The following CSMD1 variants were observed in gnomAD, a reference collection of about 807,000 sequenced individuals.
CSMD1 encodes CUB and Sushi multiple domains 1.
A neutral mutation model predicts 417.5 loss-of-function variants in CSMD1; 213 were observed. The observed-to-expected ratio is 0.51, with a 90% confidence interval of 0.46 to 0.57. The LOEUF is 0.57. CSMD1 is among the 20% of genes least tolerant of loss of function. The pLI is 0.00. For missense variants in CSMD1, 6,923 were observed against 4,529.7 expected (o/e 1.53, Z -15.17); for synonymous variants, 2,862 against 1,736.8 (o/e 1.65, Z -16.11).
chr8:4,938,511 C>A (rs905469316), intron 1 of CSMD1, among the ~76,000 whole-genome samples: 4 of 152,182 alleles, frequency 2.6e-5, no homozygotes, highest in African/African-American at 9.7e-5. Context: ...GTATAGACAC[C>A]TGGTGACTAC....
chr8:2,982,662 G>C (rs554712557), intron 54 of CSMD1, among the ~76,000 whole-genome samples: 10 of 152,312 alleles, frequency 6.6e-5, no homozygotes, highest in African/African-American at 1.7e-4. Context: ...ACCTCCAGGA[G>C]CTGCCCTGTC....
chr8:3,809,995 A>G (rs1585031948), intron 5 of CSMD1, among the ~76,000 whole-genome samples: 1 of 152,178 alleles, frequency 6.6e-6, no homozygotes, highest in South Asian at 2.1e-4. Flanking sequence ...AATAGACACC[A>G]GCTCTGACTG....
chr8:4,226,611 T>G (rs575666116), intron 3 of CSMD1, among the ~76,000 whole-genome samples: 1 of 152,338 alleles, frequency 6.6e-6, no homozygotes, highest in East Asian at 1.9e-4. Context: ...TGCATTGATA[T>G]TCTATAACAT....
At chr8:4,899,924 A>T (rs1008825559) in intron 1 of CSMD1, among the ~76,000 whole-genome samples, 1 of 152,178 alleles carries the variant, frequency 6.6e-6, no homozygotes, top group Admixed American at 6.5e-5. Context: ...CCATCACCAG[A>T]GTCTTGTTCA....
intron 68 of CSMD1, among the ~76,000 whole-genome samples, chr8:2,947,743 G>C (rs1023990841): frequency 2.1e-4 from 32 of 152,104 alleles, no homozygotes; most frequent in Admixed American, 9.8e-4. Flanking sequence ...ATTCGGCTTA[G>C]AGCAAGAGAA....
At chr8:3,013,031 T>G (rs1490212846) in intron 52 of CSMD1, among the ~76,000 whole-genome samples, 2 of 152,170 alleles carry the variant, frequency 1.3e-5, no homozygotes, top group Non-Finnish European at 2.9e-5. Flanking sequence ...CTCCTTTACC[T>G]TCCACCATGA....
At chr8:3,942,658 C>T (rs367572418) in intron 5 of CSMD1, among the ~76,000 whole-genome samples, 1 of 152,162 alleles carries the variant, frequency 6.6e-6, no homozygotes, top group African/African-American at 2.4e-5. Flanking sequence ...TCTTTAAAAA[C>T]TGTTTATGAT....
At chr8:4,500,878 C>A (rs1802227530) in intron 2 of CSMD1, among the ~76,000 whole-genome samples, 1 of 152,110 alleles carries the variant, frequency 6.6e-6, no homozygotes, top group Non-Finnish European at 1.5e-5. Context: ...AACCTTATTC[C>A]ACGTTCTCTG....
Position 4,057,474 on chromosome 8 carries a change from T to G in CSMD1, c.416-25375A>C, listed in dbSNP as rs558015404. On this transcript the variant is annotated intron_variant, in intron 3 of 69. Transcript: ENST00000635120. Reference sequence around the variant, plus strand: ...GTAGGTTGTGAAAATTTTCACCCATTTTGTAGGTTGCCTGTTCATTCTGAC... The same window carrying G: ...GTAGGTTGTGAAAATTTTCACCCATGTTGTAGGTTGCCTGTTCATTCTGAC... 3.8e-4 allele frequency among the ~76,000 whole-genome samples: 58 copies of G among 152,278 alleles called. No homozygotes were observed. In the South Asian group the frequency reaches 0.012, roughly 32 times the overall value.
rs747977851 is a variant in CSMD1, at chr8:2,963,279, C to T, written c.9397G>A (p.Ala3133Thr). The T allele has an allele frequency of 3.9e-5, 63 of 1,613,160 alleles. No individual in the cohort carries two copies. The highest frequency in any genetic ancestry group is 1.1e-4 in the East Asian group (5 of 44,876). The stretch of plus-strand genomic sequence containing the variant: ...CCGCGACCTTCACAGGAGAGGATGG[C>T]GGAGTGAGAGAGCTGGTAACCGTCC... ...CMDGYQLSHS[A>T]ILSCEGRGVW... The change falls in exon 60 of 70, where the codon GCC (alanine) becomes ACC (threonine). Residue 3133 changes from alanine (A) to threonine (T), a missense_variant. Coordinates refer to ENST00000635120, the MANE Select transcript of CSMD1 (RefSeq NM_033225.6).
intron 10 of CSMD1, among the ~76,000 whole-genome samples, chr8:3,558,808 T>C (rs1185544181): frequency 6.6e-6 from 1 of 150,982 alleles, no homozygotes; most frequent in African/African-American, 2.4e-5. Context: ...GGTGCCTCAA[T>C]AGCACCTCGT....
At chr8:4,666,968 T>C (rs192913153) in intron 1 of CSMD1, among the ~76,000 whole-genome samples, 12 of 152,320 alleles carry the variant, frequency 7.9e-5, no homozygotes, top group African/African-American at 2.9e-4. Flanking sequence ...TTTTATGTAA[T>C]TTTTATTCCT....
chr8:4,015,814 C>G (rs1248199602), intron 4 of CSMD1, among the ~76,000 whole-genome samples: 2 of 152,128 alleles, frequency 1.3e-5, no homozygotes, highest in Non-Finnish European at 2.9e-5. Flanking sequence ...AAACTTCATT[C>G]ACTAAGCAAG....
intron 10 of CSMD1, among the ~76,000 whole-genome samples, chr8:3,561,839 G>T (rs1034923261): frequency 5.3e-5 from 8 of 152,222 alleles, no homozygotes; most frequent in African/African-American, 1.9e-4. Context: ...CACTGAGGAA[G>T]GAGAAATGTA....
intron 1 of CSMD1, among the ~76,000 whole-genome samples, chr8:4,803,526 A>G (rs190536337): frequency 8.8e-4 from 134 of 152,312 alleles, no homozygotes; most frequent in Non-Finnish European, 1.4e-3. Context: ...CAGAACTACC[A>G]GAGACAAATT....
intron 12 of CSMD1, among the ~76,000 whole-genome samples, chr8:3,454,656 C>G (rs893390278): frequency 1.4e-4 from 21 of 152,222 alleles, no homozygotes; most frequent in Admixed American, 3.9e-4. Flanking sequence ...TCTCTTCTGG[C>G]TTGTAGAGTT....
intron 1 of CSMD1, among the ~76,000 whole-genome samples, chr8:4,993,622 G>A (rs375853942): frequency 9.2e-5 from 14 of 152,130 alleles, no homozygotes; most frequent in South Asian, 2.1e-4. Context: ...ATACCCGTGC[G>A]CCCACAGTGA....
chr8:3,102,586 A>G (rs1815835530), intron 46 of CSMD1, among the ~76,000 whole-genome samples: 1 of 152,200 alleles, frequency 6.6e-6, no homozygotes, highest in Non-Finnish European at 1.5e-5. Flanking sequence ...GGCTGGGAGA[A>G]ATGCATCTTT....
chr8:4,309,596 T>A (rs1449552256), intron 3 of CSMD1, among the ~76,000 whole-genome samples: 1 of 152,100 alleles, frequency 6.6e-6, no homozygotes, highest in African/African-American at 2.4e-5. Context: ...AATTCCCTAA[T>A]AGCACTCCCA....
Sources: gnomAD v4.1 joint callset for allele counts (sites outside exome capture counted in the v4.1 genomes callset) on GRCh38, gnomAD v4.1.1 for gene constraint, MANE v1.5 for transcripts, NCBI Gene and HGNC (gene_info 2026-07-23, HGNC 2026-07-21) for gene names.